The following GSK3B variants were observed in gnomAD, a reference collection of about 807,000 sequenced individuals.
GSK3B encodes glycogen synthase kinase-3 beta.
A neutral mutation model predicts 56.4 loss-of-function variants in GSK3B; 15 were observed. The ratio of observed to expected loss-of-function variants is 0.27; its 90% CI spans 0.18 to 0.41. The LOEUF is 0.41. Ranked by LOEUF, GSK3B falls within the 10% of genes least tolerant of loss-of-function variation. GSK3B has a pLI of 1.00. For synonymous variants in GSK3B, 181 were observed against 188.9 expected (o/e 0.96, Z 0.34); for missense variants, 300 against 513.4 (o/e 0.58, Z 4.02).
intron 1 of GSK3B, among the ~76,000 whole-genome samples, chr3:120,019,474 G>GT (rs2057854742): frequency 6.6e-6 from 1 of 152,162 alleles, no homozygotes; most frequent in Admixed American, 6.5e-5. Flanking sequence ...CATTATTTGT[G>GT]TGTCAATGAA....
At chr3:120,018,966 T>A (rs2057849812) in intron 1 of GSK3B, among the ~76,000 whole-genome samples, 1 of 152,212 alleles carries the variant, frequency 6.6e-6, no homozygotes, top group Non-Finnish European at 1.5e-5. Context: ...TTCCTGATTT[T>A]CTTTTTGGAC....
chr3:120,077,343 T>C (rs1051552427), intron 1 of GSK3B, among the ~76,000 whole-genome samples: 1 of 152,172 alleles, frequency 6.6e-6, no homozygotes, highest in South Asian at 2.1e-4. Context: ...CACACACATA[T>C]GGATGGACCT....
At chr3:120,068,411 A>T (rs1046905876) in intron 1 of GSK3B, among the ~76,000 whole-genome samples, 2 of 145,668 alleles carry the variant, frequency 1.4e-5, no homozygotes, top group Non-Finnish European at 3.0e-5. Flanking sequence ...AAAAAAAAAA[A>T]TTTGGGACGC....
intron 9 of GSK3B, among the ~76,000 whole-genome samples, chr3:119,855,404 T>C (rs1338152614): frequency 6.6e-6 from 1 of 152,174 alleles, no homozygotes; most frequent in Non-Finnish European, 1.5e-5. Flanking sequence ...GTTCAACCAT[T>C]GTGGAAGACA....
intron 1 of GSK3B, among the ~76,000 whole-genome samples, chr3:120,046,056 G>A (rs2058099723): frequency 6.6e-6 from 1 of 152,030 alleles, no homozygotes; most frequent in Admixed American, 6.5e-5. Flanking sequence ...AAAAAGTTCA[G>A]TGGTGGCCAG....
chr3:119,977,846 A>G (rs2057422184), intron 2 of GSK3B, among the ~76,000 whole-genome samples: 1 of 152,228 alleles, frequency 6.6e-6, no homozygotes, highest in Non-Finnish European at 1.5e-5. Flanking sequence ...GAGTTTAGTT[A>G]TAAGGAGTTT....
intron 2 of GSK3B, among the ~76,000 whole-genome samples, chr3:119,966,295 A>T (rs900653857): frequency 6.6e-6 from 1 of 152,212 alleles, no homozygotes; most frequent in Non-Finnish European, 1.5e-5. Flanking sequence ...AAGAAAGGAA[A>T]ATTCTAATTT....
At chr3:119,867,731 C>T (rs2056201907) in intron 8 of GSK3B, among the ~76,000 whole-genome samples, 1 of 152,018 alleles carries the variant, frequency 6.6e-6, no homozygotes, top group Non-Finnish European at 1.5e-5. Flanking sequence ...CTGTGAACTC[C>T]CCTGGCTATT....
chr3:119,936,594 T>C (rs1390596145), intron 3 of GSK3B, among the ~76,000 whole-genome samples: 2 of 151,642 alleles, frequency 1.3e-5, no homozygotes, highest in Non-Finnish European at 2.9e-5. Context: ...GTGATCCACC[T>C]GCCTTGGCCT....
intron 2 of GSK3B, among the ~76,000 whole-genome samples, chr3:119,967,828 TTCTCTTTCTCTCTCTC>T (rs796821423): frequency 0.17 from 15,994 of 95,968 alleles, 1,018 homozygotes; most frequent in African/African-American, 0.26. Flanking sequence ...CTTTCTCTCT[TTCTCTTTCTCTCTCTC>T]TCTCTCTCTC....
chr3:119,869,209 T>A (rs1415381047), intron 8 of GSK3B, among the ~76,000 whole-genome samples: 1 of 86,008 alleles, frequency 1.2e-5, no homozygotes. Flanking sequence ...GGGCAACAGA[T>A]CAAGATTCCA....
intron 7 of GSK3B, among the ~76,000 whole-genome samples, chr3:119,893,756 T>C (rs2056530124): frequency 6.6e-6 from 1 of 152,090 alleles, no homozygotes; most frequent in Non-Finnish European, 1.5e-5. Context: ...ATGGTACAAC[T>C]CTGAGAAACC....
intron 3 of GSK3B, among the ~76,000 whole-genome samples, chr3:119,928,146 C>T (rs952027648): frequency 9.9e-5 from 15 of 152,160 alleles, no homozygotes; most frequent in African/African-American, 3.1e-4. Context: ...TTTATTCTCA[C>T]AAAGTCTCTG....
intron 1 of GSK3B, among the ~76,000 whole-genome samples, chr3:120,005,667 C>T (rs567813387): frequency 3.9e-5 from 6 of 152,150 alleles, no homozygotes; most frequent in East Asian, 1.9e-4. Flanking sequence ...TTTCATATCC[C>T]GCCAAACTAA....
intron 2 of GSK3B, among the ~76,000 whole-genome samples, chr3:119,974,226 T>C (rs191775671): frequency 6.6e-6 from 1 of 152,232 alleles, no homozygotes; most frequent in African/African-American, 2.4e-5. Flanking sequence ...ACCCAAAACA[T>C]ACAAAGAATT....
intron 9 of GSK3B, among the ~76,000 whole-genome samples, chr3:119,845,519 AACAG>A (rs1024206293): frequency 2.0e-4 from 31 of 151,866 alleles, no homozygotes; most frequent in African/African-American, 7.2e-4. Context: ...ATACACCAAT[AACAG>A]ACAGAGAGCC....
chr3:119,830,501 T>C (rs2055582324), intron 10 of GSK3B, among the ~76,000 whole-genome samples: 1 of 152,208 alleles, frequency 6.6e-6, no homozygotes, highest in African/African-American at 2.4e-5. Context: ...CTCCACAACA[T>C]AAAAACAGCA....
At chr3:119,960,341 C>G (rs2057259681) in intron 2 of GSK3B, among the ~76,000 whole-genome samples, 1 of 151,686 alleles carries the variant, frequency 6.6e-6, no homozygotes, top group South Asian at 2.1e-4. Context: ...TATAAAAGGG[C>G]AGTAAGAGGA....
At chr3:120,079,346 ACAC>A (rs1383631749) in intron 1 of GSK3B, among the ~76,000 whole-genome samples, 4 of 105,950 alleles carry the variant, frequency 3.8e-5, no homozygotes, top group Admixed American at 9.3e-5. Flanking sequence ...ACACACACAC[ACAC>A]ATTTTTTTTT....
Sources: allele counts gnomAD v4.1 joint callset (sites outside exome capture counted in the v4.1 genomes callset), GRCh38; gene constraint gnomAD v4.1.1; transcripts MANE v1.5; gene names NCBI Gene and HGNC (gene_info 2026-07-23, HGNC 2026-07-21).